The following PEX14 variants were observed in gnomAD, a reference collection of about 807,000 sequenced individuals.
The protein encoded by PEX14 is peroxisomal biogenesis factor 14.
In PEX14, 15 loss-of-function variants were observed where a neutral mutation model predicts 49.5. That is an observed-to-expected ratio of 0.30 (90% CI 0.20 to 0.47). The LOEUF (loss-of-function observed/expected upper bound fraction) is 0.47, where lower values mean the gene tolerates loss of function less well. Among genes scored for constraint, PEX14 ranks in the 20% least tolerant of loss-of-function variants. The probability of loss-of-function intolerance (pLI) is 1.00; values close to 1 mark genes in which losing one functional copy is unlikely to be tolerated. For synonymous variants in PEX14, 210 were observed against 212.7 expected, an observed-to-expected ratio of 0.99 and a Z score of 0.11; for missense variants, 398 against 494.8, an observed-to-expected ratio of 0.80 and a Z score of 1.86.
chr1:10,557,779 G>A (rs963682467), intron 3 of PEX14, among the ~76,000 whole-genome samples: 2 of 151,138 alleles, frequency 1.3e-5, no homozygotes, highest in Non-Finnish European at 2.9e-5. Context: ...TTCTTCCTTT[G>A]TCTAAGCATG....
intron 2 of PEX14, among the ~76,000 whole-genome samples, chr1:10,501,544 G>A (rs1016161052): frequency 3.3e-5 from 5 of 152,036 alleles, no homozygotes; most frequent in East Asian, 3.9e-4. Context: ...CTCGTGATCC[G>A]CCCGCCTCGG....
At chr1:10,627,502 G>C in intron 8 of PEX14, 139 bp downstream of exon 8, 1 of 686,602 alleles carries the variant, frequency 1.5e-6, no homozygotes, top group South Asian at 1.6e-5. Flanking sequence ...ACTGAGTCTG[G>C]GGCCTTTTGA....
intron 2 of PEX14, among the ~76,000 whole-genome samples, chr1:10,508,448 C>T (rs1291203584): frequency 2.0e-5 from 3 of 152,182 alleles, no homozygotes; most frequent in African/African-American, 2.4e-5. Context: ...ACCTCGGCCT[C>T]CCAAAGTGCT....
Position 10,485,542 on chromosome 1 carries a change from C to T in PEX14, c.37-9732C>T, listed in dbSNP as rs963322584. On this transcript the variant is annotated intron_variant, in intron 1 of 8. Coordinates refer to ENST00000356607, the MANE Select transcript of PEX14 (RefSeq NM_004565.3). ...CTGTGTTGCGCAGGCTGGTCTTGAACTTCTGGACTTGAGTAGCCCTCCTAC... is the reference window on the plus strand; with the variant it reads ...CTGTGTTGCGCAGGCTGGTCTTGAATTTCTGGACTTGAGTAGCCCTCCTAC... 2.6e-5 allele frequency among the ~76,000 whole-genome samples: 4 copies of T among 151,312 alleles called. 1 individual carries two copies. The highest frequency in any genetic ancestry group is 9.8e-5 in the African/African-American group (4 of 40,806).
chr1:10,490,700 C>CTTT (rs34914348), intron 1 of PEX14, among the ~76,000 whole-genome samples: 6 of 132,594 alleles, frequency 4.5e-5, no homozygotes, highest in Non-Finnish European at 8.0e-5. Context: ...GTTTCTAAGC[C>CTTT]TTTTTTTTTT....
intron 3 of PEX14, among the ~76,000 whole-genome samples, chr1:10,555,370 G>C (rs959157976): frequency 1.3e-5 from 2 of 152,160 alleles, no homozygotes; most frequent in Admixed American, 6.5e-5. Flanking sequence ...TACAGAGTCG[G>C]GGGGAGAGAT....
At chr1:10,626,219 G>A (rs1012320188) in intron 7 of PEX14, among the ~76,000 whole-genome samples, 3 of 152,220 alleles carry the variant, frequency 2.0e-5, no homozygotes, top group Admixed American at 2.0e-4. Context: ...CACCATATGC[G>A]TTTGGAAATC....
chr1:10,551,877 C>T (rs1317129078), intron 3 of PEX14, among the ~76,000 whole-genome samples: 1 of 151,994 alleles, frequency 6.6e-6, no homozygotes, highest in African/African-American at 2.4e-5. Flanking sequence ...GAGGCTGAGG[C>T]AGGTGTGGAG....
At chr1:10,497,181 C>CG (rs1410708486) in intron 2 of PEX14, among the ~76,000 whole-genome samples, 5 of 152,106 alleles carry the variant, frequency 3.3e-5, no homozygotes, top group African/African-American at 1.2e-4. Flanking sequence ...CCTGATTAAA[C>CG]GGGGGCACCA....
At position 10,514,788 on chromosome 1, in the gene PEX14, TC is replaced by T. The variant is rs1453256060; in HGVS notation, c.84+19468del. ...TTGCTTGTTTTTGCTACACCAAGCT[TC>T]TGGCATTTTTATTGTTCTTGAAAAT... On this transcript the variant is annotated intron_variant, in intron 2 of 8. Transcript: ENST00000356607. The surrounding 1 kb of genome is among the most constrained non-coding windows in gnomAD (Gnocchi z 4.4). Among the ~76,000 whole-genome samples, 4 of 152,370 alleles carry T rather than the reference TC, an allele frequency of 2.6e-5. No individual in the cohort carries two copies. The highest frequency in any genetic ancestry group is 9.6e-5 in the African/African-American group (4 of 41,588).
intron 7 of PEX14, among the ~76,000 whole-genome samples, chr1:10,626,565 A>G (rs1641750537): frequency 6.6e-6 from 1 of 152,354 alleles, no homozygotes; most frequent in East Asian, 1.9e-4. Flanking sequence ...CCCACAGCAC[A>G]CTGGTAGGGA....
chr1:10,590,177 C>T (rs921284466), intron 3 of PEX14, among the ~76,000 whole-genome samples: 4 of 152,084 alleles, frequency 2.6e-5, no homozygotes, highest in East Asian at 1.9e-4. Flanking sequence ...TGGCACTGCT[C>T]GGAGGTGCCA....
intron 2 of PEX14, among the ~76,000 whole-genome samples, chr1:10,513,987 T>C (rs1308456017): frequency 6.6e-6 from 1 of 152,172 alleles, no homozygotes; most frequent in Non-Finnish European, 1.5e-5. Context: ...CCACAGCGCG[T>C]TTATATCCTC....
chr1:10,614,256 C>T (rs1410951183), intron 4 of PEX14, among the ~76,000 whole-genome samples: 1 of 152,200 alleles, frequency 6.6e-6, no homozygotes, highest in African/African-American at 2.4e-5. Context: ...TCACACATCT[C>T]CAAAACGAGT....
chr1:10,582,878 C>T (rs191993235), intron 3 of PEX14, among the ~76,000 whole-genome samples: 120 of 152,100 alleles, frequency 7.9e-4, no homozygotes, highest in African/African-American at 2.6e-3. Flanking sequence ...GGATTACAGG[C>T]GCCTGCCACC....
intron 1 of PEX14, among the ~76,000 whole-genome samples, chr1:10,477,215 C>T (rs576800762): frequency 1.1e-4 from 17 of 152,124 alleles, no homozygotes; most frequent in African/African-American, 2.2e-4. Flanking sequence ...GGACTACAGG[C>T]GCCCGCCACC....
At chr1:10,524,673 A>G (rs1342117056) in intron 2 of PEX14, among the ~76,000 whole-genome samples, 1 of 149,048 alleles carries the variant, frequency 6.7e-6, no homozygotes, top group Non-Finnish European at 1.5e-5. Context: ...CCTTTGTGGA[A>G]TCATTTGATT....
intron 3 of PEX14, among the ~76,000 whole-genome samples, chr1:10,559,518 AC>A (rs1444656229): frequency 6.6e-6 from 1 of 152,120 alleles, no homozygotes; most frequent in Non-Finnish European, 1.5e-5. Context: ...CAGTGAGTAG[AC>A]CCCTGTGTGA....
intron 2 of PEX14, among the ~76,000 whole-genome samples, chr1:10,520,153 T>TTTTG (rs1553185427): frequency 1.1e-5 from 1 of 91,914 alleles, no homozygotes; most frequent in Non-Finnish European, 2.4e-5. Context: ...TTCTTCTTTT[T>TTTTG]TTTTTTTTTG....
Sources: allele counts gnomAD v4.1 joint callset (sites outside exome capture counted in the v4.1 genomes callset), GRCh38; gene constraint gnomAD v4.1.1; non-coding constraint Gnocchi (gnomAD v3.1); transcripts MANE v1.5; gene names NCBI Gene and HGNC (gene_info 2026-07-23, HGNC 2026-07-21).